KCTD16: variants seen among roughly 807,000 people sequenced by gnomAD.
KCTD16 encodes the protein BTB/POZ domain-containing protein KCTD16.
KCTD16 carries 13 observed loss-of-function variants against 33.2 expected under a neutral mutation model. The ratio of observed to expected loss-of-function variants is 0.39; its 90% CI spans 0.25 to 0.62. KCTD16 has a LOEUF of 0.62. Ranked by LOEUF, KCTD16 falls within the 20% of genes least tolerant of loss-of-function variation. The pLI, the probability that KCTD16 is intolerant of heterozygous loss-of-function variation, is 0.50. For synonymous variants in KCTD16, 197 were observed against 195.3 expected (o/e 1.01, Z -0.07); for missense variants, 441 against 525.1 (o/e 0.84, Z 1.57).
chr5:144,349,841 A>G (rs1435296905), intron 3 of KCTD16, among the ~76,000 whole-genome samples: 1 of 152,162 alleles, frequency 6.6e-6, no homozygotes, highest in African/African-American at 2.4e-5. Context: ...ATGGAATCCT[A>G]AAACCCCAAT....
intron 3 of KCTD16, among the ~76,000 whole-genome samples, chr5:144,344,153 C>T (rs1017274996): frequency 2.2e-4 from 33 of 152,134 alleles, no homozygotes; most frequent in South Asian, 4.1e-4. Context: ...ACTGGCTAGC[C>T]GTATGTAGAA....
At chr5:144,303,208 G>T (rs1021349946) in intron 3 of KCTD16, among the ~76,000 whole-genome samples, 1 of 152,192 alleles carries the variant, frequency 6.6e-6, no homozygotes, top group Non-Finnish European at 1.5e-5. Flanking sequence ...GTGGCTGGCT[G>T]TCTCTAGTTA....
chr5:144,193,960 G>C (rs141497912), intron 2 of KCTD16, among the ~76,000 whole-genome samples: 1 of 152,154 alleles, frequency 6.6e-6, no homozygotes, highest in Non-Finnish European at 1.5e-5. Flanking sequence ...AAATGAAAAA[G>C]ATGAGAGTGG....
intron 3 of KCTD16, among the ~76,000 whole-genome samples, chr5:144,224,830 C>T (rs1753879009): frequency 6.6e-6 from 1 of 152,098 alleles, no homozygotes; most frequent in Non-Finnish European, 1.5e-5. Flanking sequence ...TCAAGTGTTC[C>T]TCATTTAATT....
At chr5:144,260,242 T>A (rs1218423725) in intron 3 of KCTD16, among the ~76,000 whole-genome samples, 5 of 152,174 alleles carry the variant, frequency 3.3e-5, no homozygotes, top group Admixed American at 1.3e-4. Context: ...ACTGGGATTG[T>A]GGATATGGTC....
chr5:144,205,519 A>C (rs1402395639), intron 2 of KCTD16: 1 of 398,572 alleles, frequency 2.5e-6, no homozygotes, highest in Non-Finnish European at 4.4e-6. Flanking sequence ...CCTGGCTGGG[A>C]ACATGGGAGT....
intron 3 of KCTD16, among the ~76,000 whole-genome samples, chr5:144,416,462 C>A (rs561425499): frequency 6.6e-6 from 1 of 152,128 alleles, no homozygotes; most frequent in African/African-American, 2.4e-5. Context: ...GAATGAGACA[C>A]ACCTCGGATA....
In KCTD16 at chr5:144,266,689, G is replaced by A. The variant is rs147428596; in HGVS notation, c.832+59143G>A. 1.8e-3 allele frequency among the ~76,000 whole-genome samples: 274 copies of A among 152,178 alleles called. 3 individuals are homozygous for A. Among genetic ancestry groups the A allele is most frequent in the African/African-American group, 5.6e-3 (234 of 41,508 alleles). The stretch of plus-strand genomic sequence containing the variant: ...AAACACAAATGAGTTTGTTGTAATT[G>A]CCCACCTAGTGTTTAAAATTACAGC... On this transcript the variant is annotated intron_variant, in intron 3 of 3. Coordinates refer to ENST00000512467, the MANE Select transcript of KCTD16 (RefSeq NM_020768.4).
chr5:144,292,254 T>C (rs745551349), intron 3 of KCTD16, among the ~76,000 whole-genome samples: 3 of 152,182 alleles, frequency 2.0e-5, no homozygotes, highest in Admixed American at 6.5e-5. Context: ...TTTTGGGACA[T>C]GGTGAGAATG....
chr5:144,456,276 T>A (rs531241697), intron 3 of KCTD16, among the ~76,000 whole-genome samples: 2 of 152,320 alleles, frequency 1.3e-5, no homozygotes, highest in Admixed American at 1.3e-4. Context: ...TGTACTGTTG[T>A]TTTTACCTTT....
intron 3 of KCTD16, among the ~76,000 whole-genome samples, chr5:144,301,203 T>G (rs151077415): frequency 2.9e-5 from 4 of 140,288 alleles, no homozygotes; most frequent in African/African-American, 1.1e-4. Context: ...ATCGCACCAT[T>G]GCACTCAAAC....
chr5:144,177,708 A>G (rs1250325181), intron 2 of KCTD16, among the ~76,000 whole-genome samples: 1 of 152,160 alleles, frequency 6.6e-6, no homozygotes, highest in Non-Finnish European at 1.5e-5. Context: ...ACCTACCCAG[A>G]TGACCTCATT....
chr5:144,343,843 T>C (rs1752711411), intron 3 of KCTD16, among the ~76,000 whole-genome samples: 1 of 152,304 alleles, frequency 6.6e-6, no homozygotes, highest in African/African-American at 2.4e-5. Flanking sequence ...ATGTACCCAG[T>C]AGTCATTCAG....
At chr5:144,340,401 CAAA>C (rs1208475292) in intron 3 of KCTD16, among the ~76,000 whole-genome samples, 222 of 48,214 alleles carry the variant, frequency 4.6e-3, no homozygotes, top group African/African-American at 0.014. Flanking sequence ...GACTCCATCT[CAAA>C]AAAAAAAAAA....
intron 2 of KCTD16, among the ~76,000 whole-genome samples, chr5:144,204,346 C>T (rs11167849): frequency 0.31 from 47,423 of 152,050 alleles, 8,782 homozygotes; most frequent in Non-Finnish European, 0.41. Flanking sequence ...AGCCCTAAGA[C>T]ACTGGTGTTT....
chr5:144,314,591 T>G (rs1016332958), intron 3 of KCTD16, among the ~76,000 whole-genome samples: 1 of 152,108 alleles, frequency 6.6e-6, no homozygotes, highest in Non-Finnish European at 1.5e-5. Flanking sequence ...CAGGATTTTT[T>G]GGGGGTAGGC....
intron 3 of KCTD16, among the ~76,000 whole-genome samples, chr5:144,421,306 A>C (rs1753203248): frequency 6.6e-6 from 1 of 152,168 alleles, no homozygotes; most frequent in African/African-American, 2.4e-5. Context: ...CTCTGCAAAA[A>C]GGTGATTTAT....
In KCTD16 at chr5:144,476,581, G is replaced by C. The variant is rs1214066385; in HGVS notation, c.*2467G>C. The stretch of plus-strand genomic sequence containing the variant: ...ATATTTTTATTCTGGGCCACCTCTC[G>C]ACTGGCACTCATCCCATGGTAAAAT... On this transcript the variant is annotated 3_prime_UTR_variant, in exon 4 of 4. Transcript: ENST00000512467. 1 of 152,074 alleles carries C rather than the reference G, an allele frequency of 6.6e-6. No individual in the cohort carries two copies. Among genetic ancestry groups the C allele is most frequent in the Admixed American group, 6.6e-5 (1 of 15,262 alleles). The allele number at this position is 152,074 out of a possible 1,614,324, so 9.4% of individuals were successfully genotyped here. A position where few individuals can be genotyped will look rare whatever the true frequency, so the allele number is the denominator to read the frequency against.
At chr5:144,323,315 T>C (rs1409981573) in intron 3 of KCTD16, among the ~76,000 whole-genome samples, 2 of 152,186 alleles carry the variant, frequency 1.3e-5, no homozygotes, top group Admixed American at 1.3e-4. Flanking sequence ...TTGAATACCA[T>C]GTAAGTCTGG....
Sources: gnomAD v4.1 joint callset for allele counts (sites outside exome capture counted in the v4.1 genomes callset) on GRCh38, gnomAD v4.1.1 for gene constraint, MANE v1.5 for transcripts, NCBI Gene and HGNC (gene_info 2026-07-23, HGNC 2026-07-21) for gene names.